KCNAB1: variants seen among roughly 807,000 people sequenced by gnomAD.
KCNAB1 encodes voltage-gated potassium channel subunit beta-1.
A neutral mutation model predicts 64.6 loss-of-function variants in KCNAB1; 35 were observed. The observed-to-expected ratio is 0.54, with a 90% CI of 0.41 to 0.72. The LOEUF (loss-of-function observed/expected upper bound fraction) is 0.72. Ranked by LOEUF, KCNAB1 falls within the 30% of genes least tolerant of loss-of-function variation. KCNAB1 has a pLI of 0.00. For missense variants in KCNAB1, 401 were observed against 512.9 expected, an observed-to-expected ratio of 0.78 and a Z score of 2.11; for synonymous variants, 177 against 183.8, an observed-to-expected ratio of 0.96 and a Z score of 0.30.
chr3:156,233,242 A>G (rs182681863), intron 1 of KCNAB1, among the ~76,000 whole-genome samples: 67 of 152,338 alleles, frequency 4.4e-4, no homozygotes, highest in African/African-American at 1.6e-3. Flanking sequence ...AACATATTAG[A>G]TACTGGTAAG....
At chr3:156,163,543 G>A (rs1716201964) in intron 1 of KCNAB1, among the ~76,000 whole-genome samples, 1 of 152,150 alleles carries the variant, frequency 6.6e-6, no homozygotes, top group Non-Finnish European at 1.5e-5. Flanking sequence ...CTCAGTTATG[G>A]AAAAGATGTC....
At chr3:156,172,851 G>A (rs1333122563) in intron 1 of KCNAB1, among the ~76,000 whole-genome samples, 1 of 152,114 alleles carries the variant, frequency 6.6e-6, no homozygotes, top group Non-Finnish European at 1.5e-5. Context: ...GAGAGCCCAG[G>A]GCATCTAATG....
chr3:156,452,939 A>T lies in KCNAB1; in HGVS notation c.357+3A>T. The T allele has an allele frequency of 6.2e-7, 1 of 1,603,372 alleles. No individual in the cohort carries two copies. On this transcript the variant is annotated splice_donor_region_variant and intron_variant, in intron 3 of 13. Transcript: ENST00000490337. The surrounding 1 kb of genome is among the most constrained non-coding windows in gnomAD (Gnocchi z 4.6). ...TTGGAGGTCAAATTTCAGATGAGGTAAGTTACCTTTGGCCTCTATTATGCT... is the reference window on the plus strand; with the variant it reads ...TTGGAGGTCAAATTTCAGATGAGGTTAGTTACCTTTGGCCTCTATTATGCT...
At chr3:156,261,908 G>C (rs935205476) in intron 1 of KCNAB1, among the ~76,000 whole-genome samples, 1 of 151,922 alleles carries the variant, frequency 6.6e-6, no homozygotes, top group Admixed American at 6.6e-5. Context: ...GTAACGTTTT[G>C]TAGTAATCAG....
chr3:156,188,074 G>T (rs898095477), intron 1 of KCNAB1, among the ~76,000 whole-genome samples: 1 of 152,112 alleles, frequency 6.6e-6, no homozygotes, highest in Non-Finnish European at 1.5e-5. Flanking sequence ...TTCACACATT[G>T]TTCCCTCAGA....
chr3:156,145,858 C>A (rs1286578123), intron 1 of KCNAB1, among the ~76,000 whole-genome samples: 2 of 151,904 alleles, frequency 1.3e-5, no homozygotes, highest in Non-Finnish European at 1.5e-5. Context: ...GGGATTGAAA[C>A]CCTTTAGGTG....
At chr3:156,120,472 G>C, upstream of KCNAB1, 1 of 957,586 alleles carries the variant, frequency 1.0e-6, no homozygotes, top group South Asian at 1.6e-5. Flanking sequence ...CCACAGACTG[G>C]GCTCAATTAC....
intron 2 of KCNAB1, among the ~76,000 whole-genome samples, chr3:156,443,956 G>T (rs553765166): frequency 6.6e-6 from 1 of 152,266 alleles, no homozygotes; most frequent in South Asian, 2.1e-4. Context: ...GGACCTGGGT[G>T]GCATTACTGG....
chr3:156,232,704 G>A (rs1716605984), intron 1 of KCNAB1, among the ~76,000 whole-genome samples: 1 of 152,162 alleles, frequency 6.6e-6, no homozygotes, highest in South Asian at 2.1e-4. Flanking sequence ...CAAGTGTATA[G>A]GAATTTTAAT....
At chr3:156,158,871 C>A (rs1715911728) in intron 1 of KCNAB1, among the ~76,000 whole-genome samples, 1 of 152,196 alleles carries the variant, frequency 6.6e-6, no homozygotes, top group Non-Finnish European at 1.5e-5. Flanking sequence ...GAAGCTCTGG[C>A]TTATGATTCT....
chr3:156,470,111 T>G (rs1713771563), intron 7 of KCNAB1, among the ~76,000 whole-genome samples: 1 of 152,220 alleles, frequency 6.6e-6, no homozygotes, highest in African/African-American at 2.4e-5. Context: ...TTGTGCTTAA[T>G]GTAGGTTTGA....
chr3:156,376,017 A>T (rs1711627133), intron 1 of KCNAB1, among the ~76,000 whole-genome samples: 1 of 152,182 alleles, frequency 6.6e-6, no homozygotes, highest in African/African-American at 2.4e-5. Flanking sequence ...ATGGGGTTTC[A>T]CCATGTTGGC....
chr3:156,289,360 A>AT (rs1042506427), intron 1 of KCNAB1, among the ~76,000 whole-genome samples: 1 of 151,762 alleles, frequency 6.6e-6, no homozygotes, highest in Non-Finnish European at 1.5e-5. Context: ...AGACTGCTTT[A>AT]TTTTTTTCCT....
intron 1 of KCNAB1, among the ~76,000 whole-genome samples, chr3:156,321,794 G>A (rs1183698979): frequency 6.6e-6 from 1 of 152,120 alleles, no homozygotes; most frequent in Non-Finnish European, 1.5e-5. Flanking sequence ...TTAAAACTGT[G>A]TTTTAAAGAA....
intron 8 of KCNAB1, among the ~76,000 whole-genome samples, chr3:156,480,329 C>A (rs1714695189): frequency 6.6e-6 from 1 of 150,642 alleles, no homozygotes; most frequent in African/African-American, 2.4e-5. Context: ...TTAGCTACAT[C>A]ATTAAAAAAG....
chr3:156,221,786 C>A (rs1035375335), intron 1 of KCNAB1, among the ~76,000 whole-genome samples: 12 of 147,762 alleles, frequency 8.1e-5, no homozygotes, highest in Non-Finnish European at 1.5e-4. Flanking sequence ...CCCCCCCCGC[C>A]AAAAAAAAAG....
intron 1 of KCNAB1, among the ~76,000 whole-genome samples, chr3:156,305,193 A>G (rs1447192096): frequency 6.6e-6 from 1 of 152,236 alleles, no homozygotes; most frequent in Non-Finnish European, 1.5e-5. Flanking sequence ...TGTCATTAAT[A>G]TCAGTATTAG....
At chr3:156,143,269 C>T (rs1714813316) in intron 1 of KCNAB1, 1 of 1,613,802 alleles carries the variant, frequency 6.2e-7, no homozygotes, top group Non-Finnish European at 8.5e-7. Context: ...ATGTAGATGG[C>T]ACCTAGCAGT....
chr3:156,127,649 G>A (rs537618158), intron 1 of KCNAB1, among the ~76,000 whole-genome samples: 1 of 152,256 alleles, frequency 6.6e-6, no homozygotes, highest in African/African-American at 2.4e-5. Context: ...GGTTGCCATG[G>A]CCACTAAAGA....
Sources: gnomAD v4.1 joint callset for allele counts (sites outside exome capture counted in the v4.1 genomes callset) on GRCh38, gnomAD v4.1.1 for gene constraint, Gnocchi (gnomAD v3.1) non-coding constraint, MANE v1.5 for transcripts, NCBI Gene and HGNC (gene_info 2026-07-23, HGNC 2026-07-21) for gene names.